ZBTB7C: variants seen among roughly 807,000 people sequenced by gnomAD.
ZBTB7C encodes zinc finger and BTB domain containing 7C.
ZBTB7C carries 8 observed loss-of-function variants against 25.7 expected under a neutral mutation model. The observed-to-expected ratio is 0.31, with a 90% CI of 0.18 to 0.56. The LOEUF is 0.56. Ranked by LOEUF, ZBTB7C falls within the 20% of genes least tolerant of loss-of-function variation. The pLI, the probability that ZBTB7C is intolerant of heterozygous loss-of-function variation, is 0.91. For missense variants in ZBTB7C, 824 were observed against 855.2 expected (o/e 0.96, Z 0.46); for synonymous variants, 394 against 369.0 (o/e 1.07, Z -0.78).
intron 3 of ZBTB7C, among the ~76,000 whole-genome samples, chr18:48,133,790 A>G (rs2040060328): frequency 6.6e-6 from 1 of 152,152 alleles, no homozygotes; most frequent in Non-Finnish European, 1.5e-5. Flanking sequence ...CTTGGCAACA[A>G]TCTCTCAACC....
intron 3 of ZBTB7C, among the ~76,000 whole-genome samples, chr18:48,123,679 A>T (rs1456574232): frequency 2.0e-5 from 3 of 152,226 alleles, no homozygotes; most frequent in African/African-American, 7.2e-5. Context: ...TCAAACAGGG[A>T]AAACAATACT....
intron 2 of ZBTB7C, among the ~76,000 whole-genome samples, chr18:48,246,622 ATAACT>A (rs895784454): frequency 2.0e-5 from 3 of 152,096 alleles, no homozygotes; most frequent in African/African-American, 4.8e-5. Flanking sequence ...ATTTTCTGTA[ATAACT>A]TTAATTAAAC....
At chr18:48,179,808 T>TTTCCTTTC (rs2041833340) in intron 3 of ZBTB7C, among the ~76,000 whole-genome samples, 1 of 101,904 alleles carries the variant, frequency 9.8e-6, no homozygotes, top group Non-Finnish European at 2.1e-5. Flanking sequence ...TCCTTCCTTA[T>TTTCCTTTC]TTCCTTCCTT....
chr18:48,090,749 C>G lies in ZBTB7C; in HGVS notation c.-16-49626G>C, dbSNP rs562452240. On this transcript the variant is annotated intron_variant, in intron 3 of 4. Coordinates refer to ENST00000590800, the MANE Select transcript of ZBTB7C (RefSeq NM_001318841.2). ...GATCCTGCTCCCCACTGTGCTGGAC[C>G]CAGGCCAGACAGACCCACCCCTTGC... 2.7e-5 allele frequency among the ~76,000 whole-genome samples: 4 copies of G among 148,386 alleles called. No homozygotes were observed. The South Asian group carries it at 8.3e-4, about 31-fold the overall frequency.
At chr18:48,049,950 G>T (rs1197676340) in intron 3 of ZBTB7C, among the ~76,000 whole-genome samples, 1 of 152,128 alleles carries the variant, frequency 6.6e-6, no homozygotes, top group Non-Finnish European at 1.5e-5. Flanking sequence ...TCCCCACCCA[G>T]TCTCCAGCCT....
chr18:48,057,069 A>C (rs1371888089), intron 3 of ZBTB7C, among the ~76,000 whole-genome samples: 4 of 151,154 alleles, frequency 2.6e-5, no homozygotes, highest in Admixed American at 1.3e-4. Flanking sequence ...AAAAAAAAAA[A>C]ACCAACCCAT....
At chr18:48,366,681 T>C (rs2047228261) in intron 1 of ZBTB7C, among the ~76,000 whole-genome samples, 1 of 152,202 alleles carries the variant, frequency 6.6e-6, no homozygotes, top group African/African-American at 2.4e-5. Flanking sequence ...AAATGCATTT[T>C]CAACATTTGA....
intron 2 of ZBTB7C, among the ~76,000 whole-genome samples, chr18:48,319,625 A>T (rs535218218): frequency 6.6e-6 from 1 of 152,350 alleles, no homozygotes; most frequent in East Asian, 1.9e-4. Context: ...GAACAAGGCT[A>T]AAAGTAATGA....
rs533794872 is a variant in ZBTB7C at position 48,027,950 on chromosome 18, C to T, written c.*1310G>A. On this transcript the variant is annotated 3_prime_UTR_variant, in exon 5 of 5. Coordinates refer to ENST00000590800, the MANE Select transcript of ZBTB7C (RefSeq NM_001318841.2). ...CTAACTCACAGAGCCCTTCAAACCT[C>T]AGAGGCCTCCACCTCCCTGCACTGA... The T allele has an allele frequency of 1.6e-4, 25 of 152,366 alleles. No homozygotes were observed. Among genetic ancestry groups the T allele is most frequent in the African/African-American group, 5.5e-4 (23 of 41,570 alleles). 9.4% of individuals were successfully genotyped at this position (152,366 alleles called of 1,614,324 possible).
chr18:48,095,949 T>C (rs189760551), intron 3 of ZBTB7C, among the ~76,000 whole-genome samples: 6 of 152,210 alleles, frequency 3.9e-5, no homozygotes, highest in African/African-American at 1.4e-4. Flanking sequence ...CATATTTCAA[T>C]CAGGCAAGGA....
At chr18:48,352,024 C>T (rs2046875332) in intron 1 of ZBTB7C, among the ~76,000 whole-genome samples, 1 of 152,176 alleles carries the variant, frequency 6.6e-6, no homozygotes, top group African/African-American at 2.4e-5. Context: ...GCCTGGTCTC[C>T]CATGGTCAGC....
chr18:48,120,984 C>T (rs2039608658), intron 3 of ZBTB7C, among the ~76,000 whole-genome samples: 1 of 152,200 alleles, frequency 6.6e-6, no homozygotes, highest in Admixed American at 6.5e-5. Context: ...TAAGTGGGTG[C>T]CTCAGGAGTC....
intron 3 of ZBTB7C, among the ~76,000 whole-genome samples, chr18:48,143,932 C>T (rs71355332): frequency 0.032 from 4,899 of 152,242 alleles, 93 homozygotes; most frequent in Non-Finnish European, 0.038. Context: ...CAGTCCGGCC[C>T]AACTCTGAAT....
intron 3 of ZBTB7C, among the ~76,000 whole-genome samples, chr18:48,129,910 C>T (rs572385678): frequency 3.3e-5 from 5 of 152,198 alleles, no homozygotes; most frequent in South Asian, 2.1e-4. Flanking sequence ...CCGAATAAAC[C>T]GGCCCTCCCT....
At chr18:48,296,436 C>A (rs1007125578) in intron 2 of ZBTB7C, among the ~76,000 whole-genome samples, 1 of 152,238 alleles carries the variant, frequency 6.6e-6, no homozygotes, top group Non-Finnish European at 1.5e-5. Context: ...CTCTCCTCAT[C>A]TCCTTTTTTA....
rs571358852 is a variant in ZBTB7C at position 48,027,851 on chromosome 18, A to G, written c.*1409T>C. On this transcript the variant is annotated 3_prime_UTR_variant, in exon 5 of 5. Coordinates refer to ENST00000590800, the MANE Select transcript of ZBTB7C (RefSeq NM_001318841.2). ...GAGGGAAGGAGAGAGAAGGTCAGGA[A>G]GGCACGGGGCCAGCAGAGCCTTCCT... 1 of 152,456 alleles carries G rather than the reference A, an allele frequency of 6.6e-6. No homozygotes were observed. The highest frequency in any genetic ancestry group is 1.5e-5 in the Non-Finnish European group (1 of 68,150). The allele number at this position is 152,456 out of a possible 1,614,324, so 9.4% of individuals were successfully genotyped here.
At chr18:48,124,475 G>A (rs192279443) in intron 3 of ZBTB7C, among the ~76,000 whole-genome samples, 5 of 152,228 alleles carry the variant, frequency 3.3e-5, no homozygotes, top group Admixed American at 6.5e-5. Flanking sequence ...ATTGTTTATC[G>A]TATATTAAGT....
chr18:48,320,377 G>T (rs1379797545), intron 2 of ZBTB7C, among the ~76,000 whole-genome samples: 1 of 152,200 alleles, frequency 6.6e-6, no homozygotes, highest in East Asian at 1.9e-4. Flanking sequence ...GTGGGGAGAG[G>T]GCACTGGAAG....
chr18:48,050,423 C>T (rs2036639500), intron 3 of ZBTB7C, among the ~76,000 whole-genome samples: 1 of 152,222 alleles, frequency 6.6e-6, no homozygotes. Context: ...AGAGCGCCCA[C>T]ACTGGGTAAA....
Sources: allele counts gnomAD v4.1 joint callset (sites outside exome capture counted in the v4.1 genomes callset), GRCh38; gene constraint gnomAD v4.1.1; transcripts MANE v1.5; gene names NCBI Gene and HGNC (gene_info 2026-07-23, HGNC 2026-07-21).